Variants in ARB2A observed in about 807,000 individuals in gnomAD.
The protein encoded by ARB2A is ARB2 cotranscriptional regulator A.
At chr5:93,871,479 T>C in the ARB2A span, among the ~76,000 whole-genome samples, 895 of 152,266 alleles carry the variant, frequency 5.9e-3, 7 homozygotes, top group African/African-American at 0.02. Context: ...AAGAAGAATA[T>C]ACAAAATTAT....
chr5:93,804,466 C>T, the ARB2A span, among the ~76,000 whole-genome samples: 4 of 151,454 alleles, frequency 2.6e-5, no homozygotes, highest in Admixed American at 6.6e-5. Context: ...AAAACATTTT[C>T]GTTAAGATGA....
the ARB2A span, among the ~76,000 whole-genome samples, chr5:93,795,791 G>A: frequency 1.1e-4 from 16 of 147,730 alleles, 1 homozygote; most frequent in South Asian, 3.0e-3. Context: ...GGATTATGAA[G>A]AGAAAAACAC....
chr5:93,770,154 C>A, the ARB2A span, among the ~76,000 whole-genome samples: 3 of 152,116 alleles, frequency 2.0e-5, no homozygotes, highest in Non-Finnish European at 2.9e-5. Context: ...CCTTACAAGG[C>A]TTTAGTCTCA....
chr5:93,870,113 C>T, the ARB2A span, among the ~76,000 whole-genome samples: 20 of 152,218 alleles, frequency 1.3e-4, no homozygotes, highest in African/African-American at 1.9e-4. Context: ...TGATTCTCCA[C>T]GGTCTTCTAT....
the ARB2A span, among the ~76,000 whole-genome samples, chr5:93,999,834 C>G: frequency 2.0e-5 from 3 of 152,154 alleles, no homozygotes; most frequent in Middle Eastern, 3.4e-3. Context: ...ATTCATCCCT[C>G]TTTGCCTCCA....
chr5:93,722,541 A>C, the ARB2A span, among the ~76,000 whole-genome samples: 1 of 152,138 alleles, frequency 6.6e-6, no homozygotes, highest in African/African-American at 2.4e-5. Context: ...AAAGAAAAAA[A>C]GCTTTCTAGC....
the ARB2A span, among the ~76,000 whole-genome samples, chr5:94,000,825 C>T: frequency 2.0e-5 from 3 of 151,956 alleles, no homozygotes; most frequent in Non-Finnish European, 2.9e-5. Context: ...TTAATTTCTG[C>T]AAAAGGCATA....
chr5:93,800,106 A>G, the ARB2A span, among the ~76,000 whole-genome samples: 1 of 152,088 alleles, frequency 6.6e-6, no homozygotes, highest in Non-Finnish European at 1.5e-5. Context: ...TTCTAATTGA[A>G]GTACCTATAT....
chr5:93,728,167 GTGGT>G, the ARB2A span, among the ~76,000 whole-genome samples: 1 of 151,956 alleles, frequency 6.6e-6, no homozygotes. Context: ...TCTTACAAAG[GTGGT>G]TGGTTTTTTT....
chr5:93,664,193 G>A, the ARB2A span, among the ~76,000 whole-genome samples: 96 of 151,904 alleles, frequency 6.3e-4, no homozygotes, highest in Non-Finnish European at 1.0e-3. Context: ...GGATCCTCCC[G>A]CCTCAGCTTC....
the ARB2A span, among the ~76,000 whole-genome samples, chr5:93,816,661 G>T: frequency 6.6e-6 from 1 of 152,066 alleles, no homozygotes; most frequent in African/African-American, 2.4e-5. Context: ...AGTAATATGG[G>T]TCCTTTATTC....
chr5:93,754,419 A>G, the ARB2A span, among the ~76,000 whole-genome samples: 1 of 152,194 alleles, frequency 6.6e-6, no homozygotes, highest in African/African-American at 2.4e-5. Flanking sequence ...AACTCACTGA[A>G]TTAATGCATG....
chr5:94,104,545 A>T, the ARB2A span, among the ~76,000 whole-genome samples: 1 of 152,134 alleles, frequency 6.6e-6, no homozygotes, highest in South Asian at 2.1e-4. Flanking sequence ...GTCCTGGAAA[A>T]GATAGATTGA....
the ARB2A span, among the ~76,000 whole-genome samples, chr5:93,711,809 TAGA>T: frequency 2.0e-5 from 3 of 152,330 alleles, no homozygotes; most frequent in East Asian, 1.9e-4. Context: ...TGATTTACAG[TAGA>T]AGGACAGAAA....
the ARB2A span, among the ~76,000 whole-genome samples, chr5:94,099,639 A>G: frequency 1.3e-5 from 2 of 150,696 alleles, no homozygotes; most frequent in East Asian, 3.9e-4. Context: ...AAAAAAAAAA[A>G]AAAAAAAAAA....
the ARB2A span, among the ~76,000 whole-genome samples, chr5:93,897,602 G>A: frequency 1.3e-5 from 2 of 151,786 alleles, no homozygotes; most frequent in African/African-American, 4.8e-5. Flanking sequence ...TGTAAGGATG[G>A]CAAACTGGCA....
the ARB2A span, among the ~76,000 whole-genome samples, chr5:93,909,967 T>G: frequency 6.6e-6 from 1 of 150,934 alleles, no homozygotes; most frequent in Non-Finnish European, 1.5e-5. Context: ...AGAATAAGTA[T>G]TAACTATAGG....
chr5:93,736,566 A>G, the ARB2A span: 1 of 152,156 alleles, frequency 6.6e-6, no homozygotes, highest in South Asian at 2.1e-4. Context: ...CTCAAAACAG[A>G]AAAATAACCA....
the ARB2A span, among the ~76,000 whole-genome samples, chr5:94,017,175 C>G: frequency 6.6e-6 from 1 of 152,182 alleles, no homozygotes; most frequent in Non-Finnish European, 1.5e-5. Flanking sequence ...TTTGTCTAAT[C>G]TTGGCTGGCT....
Sources: gnomAD v4.1 joint callset for allele counts (sites outside exome capture counted in the v4.1 genomes callset) on GRCh38, gnomAD v4.1.1 for gene constraint, MANE v1.5 for transcripts, NCBI Gene and HGNC (gene_info 2026-07-23, HGNC 2026-07-21) for gene names.